The following EYA1 variants were observed in gnomAD, a reference collection of about 807,000 sequenced individuals.
The protein encoded by EYA1 is EYA transcriptional coactivator and phosphatase 1, also known as protein phosphatase EYA1.
In EYA1, 16 loss-of-function variants were observed where a neutral mutation model predicts 82.0. That is an observed-to-expected ratio of 0.20 (90% confidence interval 0.13 to 0.30). The LOEUF is 0.30. Among genes scored for constraint, EYA1 ranks in the 10% least tolerant of loss-of-function variants. The pLI is 1.00. For missense variants in EYA1, 633 were observed against 730.7 expected (o/e 0.87, Z 1.54); for synonymous variants, 261 against 264.4 (o/e 0.99, Z 0.12).
intron 2 of EYA1, among the ~76,000 whole-genome samples, chr8:71,397,695 A>C (rs774941219): frequency 7.2e-5 from 11 of 152,150 alleles, no homozygotes; most frequent in Non-Finnish European, 1.5e-4. Context: ...TGAGTAACCC[A>C]ACCTTTCTCT....
chr8:71,547,791 G>C (rs1166343360), intron 1 of EYA1: 4 of 150,710 alleles, frequency 2.7e-5, no homozygotes, highest in African/African-American at 9.7e-5. Flanking sequence ...GCGGGAGCGC[G>C]GCCGCCGCGA....
At chr8:71,342,620 T>G (rs760838001) in intron 3 of EYA1, among the ~76,000 whole-genome samples, 2 of 152,128 alleles carry the variant, frequency 1.3e-5, no homozygotes, top group African/African-American at 2.4e-5. Context: ...AAAAACCTAC[T>G]ATGAATTTGT....
chr8:71,396,634 G>T (rs1829634785), intron 2 of EYA1, among the ~76,000 whole-genome samples: 1 of 152,180 alleles, frequency 6.6e-6, no homozygotes, highest in Non-Finnish European at 1.5e-5. Context: ...GTTCTAGTTT[G>T]ATTGCACTGT....
At chr8:71,384,917 T>C (rs1436726880) in intron 2 of EYA1, among the ~76,000 whole-genome samples, 4 of 152,216 alleles carry the variant, frequency 2.6e-5, no homozygotes, top group Non-Finnish European at 4.4e-5. Flanking sequence ...CAAAAAGGGA[T>C]GTTCACTGAC....
intron 12 of EYA1, among the ~76,000 whole-genome samples, chr8:71,227,941 G>C (rs2128876256): frequency 6.6e-6 from 1 of 152,220 alleles, no homozygotes; most frequent in Non-Finnish European, 1.5e-5. Context: ...TTTTCTAATA[G>C]TAAGAAACAC....
chr8:71,505,453 TCTC>T (rs1471269404), intron 2 of EYA1, among the ~76,000 whole-genome samples: 4 of 152,154 alleles, frequency 2.6e-5, no homozygotes, highest in Admixed American at 6.5e-5. Context: ...TTTTGTGAAA[TCTC>T]TTCTTCTTGC....
At chr8:71,364,076 C>A (rs1447985211), upstream of EYA1, among the ~76,000 whole-genome samples, 2 of 151,356 alleles carry the variant, frequency 1.3e-5, no homozygotes, top group African/African-American at 4.8e-5. Flanking sequence ...ATTTATATAA[C>A]CAAATGAAAT....
intron 11 of EYA1, among the ~76,000 whole-genome samples, chr8:71,255,054 A>G (rs1226388545): frequency 2.0e-5 from 3 of 152,178 alleles, no homozygotes; most frequent in Non-Finnish European, 4.4e-5. Flanking sequence ...GAGGGAAAAC[A>G]CTTGTACGCT....
At chr8:71,434,533 T>C (rs1195281624) in intron 2 of EYA1, among the ~76,000 whole-genome samples, 3 of 152,082 alleles carry the variant, frequency 2.0e-5, no homozygotes, top group Non-Finnish European at 4.4e-5. Context: ...AGACTTCTTG[T>C]AAAAAGAAAA....
At chr8:71,260,801 G>T (rs1409534815) in intron 11 of EYA1, among the ~76,000 whole-genome samples, 1 of 152,200 alleles carries the variant, frequency 6.6e-6, no homozygotes, top group Non-Finnish European at 1.5e-5. Flanking sequence ...GCAGGTTTAT[G>T]AGATTTATTC....
intron 2 of EYA1, among the ~76,000 whole-genome samples, chr8:71,527,308 C>A (rs1321081147): frequency 6.6e-6 from 1 of 152,188 alleles, no homozygotes; most frequent in Non-Finnish European, 1.5e-5. Flanking sequence ...TGGTGACCAC[C>A]ACACATTTAT....
intron 2 of EYA1, among the ~76,000 whole-genome samples, chr8:71,459,090 A>G (rs1004459548): frequency 1.3e-5 from 2 of 152,188 alleles, no homozygotes; most frequent in Admixed American, 1.3e-4. Context: ...AAGTTTCTAC[A>G]AAGTTTTCAA....
intron 11 of EYA1, among the ~76,000 whole-genome samples, chr8:71,266,849 A>G (rs1196408704): frequency 6.6e-6 from 1 of 152,194 alleles, no homozygotes; most frequent in African/African-American, 2.4e-5. Flanking sequence ...CTATTTCAAC[A>G]AATATACGAC....
At chr8:71,401,182 G>C (rs891489681) in intron 2 of EYA1, among the ~76,000 whole-genome samples, 2 of 152,014 alleles carry the variant, frequency 1.3e-5, no homozygotes, top group African/African-American at 4.8e-5. Context: ...AATGCATTCT[G>C]GGCTTCATAC....
rs1411952721 is a variant in EYA1 at position 71,331,054 on chromosome 8, C to A, written c.202+3043G>T. Among the ~76,000 whole-genome samples, 3 of 151,872 alleles carry A rather than the reference C, an allele frequency of 2.0e-5. No individual in the cohort carries two copies. The East Asian group carries it at 5.8e-4, about 29-fold the overall frequency. ...GATCATCCTGGCCAACATGGTGAAA[C>A]CCCATCTCTACTAAAACTTCAAAAA... On this transcript the variant is annotated intron_variant, in intron 4 of 17. Transcript: ENST00000340726.
intron 2 of EYA1, among the ~76,000 whole-genome samples, chr8:71,419,645 T>G (rs1303856341): frequency 1.3e-5 from 2 of 152,300 alleles, no homozygotes; most frequent in South Asian, 4.1e-4. Flanking sequence ...CACTATTCTT[T>G]CTATTTTTTA....
chr8:71,449,385 C>T (rs10957551), intron 2 of EYA1, among the ~76,000 whole-genome samples: 23,676 of 152,154 alleles, frequency 0.16, 3,264 homozygotes, highest in East Asian at 0.47. Flanking sequence ...GGCATGAAAA[C>T]AACAGTAATC....
chr8:71,318,983 C>G (rs1192567424), intron 6 of EYA1, among the ~76,000 whole-genome samples: 1 of 152,170 alleles, frequency 6.6e-6, no homozygotes, highest in East Asian at 1.9e-4. Context: ...TGGAAATACA[C>G]CTGCCCCAGA....
chr8:71,286,229 T>C (rs62506568), intron 9 of EYA1, among the ~76,000 whole-genome samples: 15,321 of 152,228 alleles, frequency 0.1, 922 homozygotes, highest in South Asian at 0.21. Flanking sequence ...GTTCCCATTA[T>C]AGAGATGGGA....
Sources: gnomAD v4.1 joint callset for allele counts (sites outside exome capture counted in the v4.1 genomes callset) on GRCh38, gnomAD v4.1.1 for gene constraint, MANE v1.5 for transcripts, NCBI Gene and HGNC (gene_info 2026-07-23, HGNC 2026-07-21) for gene names.